Variants in IL1RAPL2 observed in about 807,000 individuals in gnomAD.
IL1RAPL2 encodes the protein X-linked interleukin-1 receptor accessory protein-like 2.
In IL1RAPL2, 3 loss-of-function variants were observed where a neutral mutation model predicts 44.1. The observed-to-expected ratio is 0.07, with a 90% confidence interval of 0.03 to 0.18. The LOEUF (loss-of-function observed/expected upper bound fraction) is 0.18, where lower values mean the gene tolerates loss of function less well. Among genes scored for constraint, IL1RAPL2 ranks in the 10% least tolerant of loss-of-function variants. The pLI is 1.00. For synonymous variants in IL1RAPL2, 181 were observed against 178.8 expected (o/e 1.01, Z -0.10); for missense variants, 391 against 496.4 (o/e 0.79, Z 2.02).
At chrX:105,398,798 T>A (rs1178199671) in intron 5 of IL1RAPL2, among the ~76,000 whole-genome samples, 1 of 112,016 alleles carries the variant, frequency 8.9e-6, no homozygotes, top group Non-Finnish European at 1.9e-5. Context: ...TAAATTAGAA[T>A]GCCAGCTGTT....
intron 3 of IL1RAPL2, among the ~76,000 whole-genome samples, chrX:105,214,105 A>C (rs782366257): frequency 9.7e-6 from 1 of 103,536 alleles, no homozygotes; most frequent in African/African-American, 3.6e-5. Context: ...GACAGGATCA[A>C]ATTCACACAT....
chrX:105,146,408 G>A (rs2033179863), intron 2 of IL1RAPL2, among the ~76,000 whole-genome samples: 1 of 110,973 alleles, frequency 9.0e-6, no homozygotes, highest in Non-Finnish European at 1.9e-5. Flanking sequence ...GTAGAAAAAG[G>A]TTTTCAGCCC....
chrX:104,937,500 CA>C (rs1452572731), intron 2 of IL1RAPL2, among the ~76,000 whole-genome samples: 1 of 112,104 alleles, frequency 8.9e-6, no homozygotes, highest in Admixed American at 9.4e-5. Flanking sequence ...TGATACCCAT[CA>C]CTTCTGTTCA....
intron 6 of IL1RAPL2, among the ~76,000 whole-genome samples, chrX:105,652,145 T>G (rs150365847): frequency 1.8e-5 from 2 of 111,912 alleles, no homozygotes; most frequent in African/African-American, 6.5e-5. Flanking sequence ...GCCTGAATCT[T>G]TCTTTGTACT....
chrX:104,651,163 T>C (rs908612324), intron 1 of IL1RAPL2, among the ~76,000 whole-genome samples: 1 of 112,175 alleles, frequency 8.9e-6, no homozygotes, highest in African/African-American at 3.2e-5. Flanking sequence ...AAAAACTTTA[T>C]ATGCTCACTT....
At chrX:104,636,805 C>A (rs1342919879) in intron 1 of IL1RAPL2, among the ~76,000 whole-genome samples, 1 of 112,272 alleles carries the variant, frequency 8.9e-6, no homozygotes, top group Non-Finnish European at 1.9e-5. Context: ...TGAGGCGATG[C>A]CTCGCCCTGC....
intron 2 of IL1RAPL2, among the ~76,000 whole-genome samples, chrX:105,005,242 G>A (rs1317202592): frequency 9.0e-6 from 1 of 111,314 alleles, no homozygotes; most frequent in Non-Finnish European, 1.9e-5. Flanking sequence ...CCTTCCTGTA[G>A]CCTCCTACAA....
intron 2 of IL1RAPL2, among the ~76,000 whole-genome samples, chrX:105,099,765 C>T (rs995194239): frequency 1.8e-5 from 2 of 110,152 alleles, no homozygotes; most frequent in African/African-American, 6.6e-5. Flanking sequence ...CGCGCCCGGC[C>T]GCCACACACT....
intron 6 of IL1RAPL2, among the ~76,000 whole-genome samples, chrX:105,530,084 A>C (rs1186568825): frequency 8.9e-6 from 1 of 112,220 alleles, no homozygotes; most frequent in Non-Finnish European, 1.9e-5. Context: ...TATATACATG[A>C]AAATGGAATG....
chrX:105,598,325 T>G (rs1332078403), intron 6 of IL1RAPL2, among the ~76,000 whole-genome samples: 1 of 109,637 alleles, frequency 9.1e-6, no homozygotes, highest in African/African-American at 3.3e-5. Flanking sequence ...AATGGGAAGA[T>G]GTAGGTCAAA....
At chrX:104,836,213 C>G (rs914449215) in intron 2 of IL1RAPL2, among the ~76,000 whole-genome samples, 1 of 110,333 alleles carries the variant, frequency 9.1e-6, no homozygotes, top group African/African-American at 3.3e-5. Flanking sequence ...AAAATTGAAA[C>G]AATTAAACTC....
intron 5 of IL1RAPL2, among the ~76,000 whole-genome samples, chrX:105,321,921 CTT>C (rs2034900310): frequency 8.9e-6 from 1 of 112,861 alleles, no homozygotes; most frequent in African/African-American, 3.2e-5. Flanking sequence ...ATTTTAAACA[CTT>C]AGCAACCATG....
intron 2 of IL1RAPL2, among the ~76,000 whole-genome samples, chrX:104,667,343 G>A (rs1010739685): frequency 3.6e-5 from 4 of 111,481 alleles, no homozygotes; most frequent in African/African-American, 1.3e-4. Context: ...CTTATGATGG[G>A]TCCCTCTCAG....
intron 2 of IL1RAPL2, among the ~76,000 whole-genome samples, chrX:105,153,051 A>T (rs999813657): frequency 2.7e-5 from 3 of 109,704 alleles, no homozygotes; most frequent in Non-Finnish European, 5.7e-5. Flanking sequence ...TGACTGCAAG[A>T]TTTTTTTTTT....
chrX:104,652,422 TGATAA>T (rs1262958113), intron 1 of IL1RAPL2, among the ~76,000 whole-genome samples: 1 of 112,228 alleles, frequency 8.9e-6, no homozygotes, highest in African/African-American at 3.2e-5. Flanking sequence ...TTTAAACATT[TGATAA>T]GATGTTATCT....
At chrX:105,144,097 GTGT>G (rs1569392373) in intron 2 of IL1RAPL2, among the ~76,000 whole-genome samples, 3 of 33,848 alleles carry the variant, frequency 8.9e-5, no homozygotes, top group East Asian at 3.3e-3. Flanking sequence ...ACAGATGGGT[GTGT>G]GTGTGTGTGT....
In IL1RAPL2 at chrX:105,635,975, G is replaced by T. The variant is rs750940529; in HGVS notation, c.773-81392G>T. Among the ~76,000 whole-genome samples the T allele has an allele frequency of 3.6e-5, 4 of 111,095 alleles. No individual in the cohort carries two copies. In the South Asian group the frequency reaches 1.5e-3, roughly 43 times the overall value. ...TGGCTATCAACTTATTCTGTCTATA[G>T]TTTAGAGGGAGTGGCAAAGAAAGGT... On this transcript the variant is annotated intron_variant, in intron 6 of 10. Transcript: ENST00000372582.
intron 2 of IL1RAPL2, among the ~76,000 whole-genome samples, chrX:105,147,501 T>C (rs2033189832): frequency 9.0e-6 from 1 of 111,266 alleles, no homozygotes; most frequent in South Asian, 3.9e-4. Context: ...CCATTTCCTC[T>C]CAACACCCCT....
intron 2 of IL1RAPL2, among the ~76,000 whole-genome samples, chrX:105,048,435 TATAAA>T (rs1415189033): frequency 8.9e-6 from 1 of 112,094 alleles, no homozygotes; most frequent in East Asian, 2.8e-4. Context: ...AACTAAAAAA[TATAAA>T]ATAAAACAAG....
Sources: gnomAD v4.1 joint callset for allele counts (sites outside exome capture counted in the v4.1 genomes callset) on GRCh38, gnomAD v4.1.1 for gene constraint, MANE v1.5 for transcripts, NCBI Gene and HGNC (gene_info 2026-07-23, HGNC 2026-07-21) for gene names.